PPARG: variants seen among roughly 807,000 people sequenced by gnomAD.
PPARG encodes the protein peroxisome proliferator-activated receptor gamma.
In PPARG, 17 loss-of-function variants were observed where a neutral mutation model predicts 39.2. The ratio of observed to expected loss-of-function variants is 0.43; its 90% CI spans 0.30 to 0.65. The LOEUF (loss-of-function observed/expected upper bound fraction) is 0.65, where lower values mean the gene tolerates loss of function less well. PPARG is among the 30% of genes least tolerant of loss of function. The pLI is 0.13. For synonymous variants in PPARG, 223 were observed against 215.7 expected (o/e 1.03, Z -0.30); for missense variants, 406 against 585.9 (o/e 0.69, Z 3.17).
At chr3:12,300,388 T>C (rs1346932934) in intron 1 of PPARG, among the ~76,000 whole-genome samples, 1 of 152,244 alleles carries the variant, frequency 6.6e-6, no homozygotes, top group African/African-American at 2.4e-5. Flanking sequence ...TTGCCATGGT[T>C]GTGTCTTTAA....
intron 2 of PPARG, among the ~76,000 whole-genome samples, chr3:12,318,975 G>A (rs2047466005): frequency 6.6e-6 from 1 of 152,034 alleles, no homozygotes; most frequent in Non-Finnish European, 1.5e-5. Context: ...CCACTAGACA[G>A]GACATAGGAA....
At chr3:12,378,782 T>C (rs959680995) in intron 2 of PPARG, among the ~76,000 whole-genome samples, 2 of 152,162 alleles carry the variant, frequency 1.3e-5, no homozygotes, top group African/African-American at 2.4e-5. Context: ...ATGGTGACTA[T>C]AGTTAGTGAT....
chr3:12,346,620 A>G (rs1193464364), intron 2 of PPARG, among the ~76,000 whole-genome samples: 1 of 151,612 alleles, frequency 6.6e-6, no homozygotes, highest in Admixed American at 6.6e-5. Flanking sequence ...TACCAAAGAT[A>G]CATTTACTGG....
intron 2 of PPARG, among the ~76,000 whole-genome samples, chr3:12,349,724 A>G (rs570096984): frequency 6.6e-6 from 1 of 152,350 alleles, no homozygotes; most frequent in Non-Finnish European, 1.5e-5. Flanking sequence ...CAAGTAAAAC[A>G]TAGTCTGGGG....
intron 5 of PPARG, among the ~76,000 whole-genome samples, chr3:12,401,232 A>G (rs2959273): frequency 0.68 from 103,557 of 152,094 alleles, 35,793 homozygotes; most frequent in African/African-American, 0.8. Context: ...GGTAGAACCT[A>G]AGGCTCAAGA....
intron 2 of PPARG, among the ~76,000 whole-genome samples, chr3:12,375,770 A>G (rs569626203): frequency 6.6e-6 from 1 of 152,244 alleles, no homozygotes; most frequent in East Asian, 1.9e-4. Context: ...ACCTTTAACT[A>G]TCACCAGTAC....
At chr3:12,390,352 T>A (rs2050024106) in intron 4 of PPARG, among the ~76,000 whole-genome samples, 1 of 152,132 alleles carries the variant, frequency 6.6e-6, no homozygotes, top group South Asian at 2.1e-4. Context: ...GAGAAACTCT[T>A]CTCATAATAG....
rs572419733 is a variant in PPARG, at chr3:12,312,954, A to G, written c.-9+501A>G. 1.9e-4 allele frequency among the ~76,000 whole-genome samples: 29 copies of G among 152,272 alleles called. No individual in the cohort carries two copies. The South Asian group carries it at 5.6e-3, about 29-fold the overall frequency. On this transcript the variant is annotated intron_variant, in intron 2 of 7. Coordinates refer to ENST00000651735, the MANE Select transcript of PPARG (RefSeq NM_138711.6). The stretch of plus-strand genomic sequence containing the variant: ...GCATTAAAACTACTTCCTTCCTGGA[A>G]CTGACTAGATGGGGGTAGGATTTCA...
intron 2 of PPARG, among the ~76,000 whole-genome samples, chr3:12,341,654 C>G (rs1456829312): frequency 6.6e-6 from 1 of 152,078 alleles, no homozygotes. Flanking sequence ...CAAAAACATA[C>G]AAAAGTTAGT....
chr3:12,391,039 G>C (rs2050059928), intron 4 of PPARG, among the ~76,000 whole-genome samples: 1 of 152,084 alleles, frequency 6.6e-6, no homozygotes, highest in Non-Finnish European at 1.5e-5. Context: ...TAACATCTCA[G>C]TCACAATTGG....
chr3:12,348,791 G>A (rs185364382), intron 2 of PPARG, among the ~76,000 whole-genome samples: 2 of 152,192 alleles, frequency 1.3e-5, no homozygotes, highest in Non-Finnish European at 1.5e-5. Flanking sequence ...CTGCATTGAC[G>A]TGCAAAGTGC....
chr3:12,406,399 G>A (rs1024894763), intron 6 of PPARG: 28 of 373,504 alleles, frequency 7.5e-5, no homozygotes, highest in South Asian at 5.6e-4. Context: ...CTCCTTTCTC[G>A]GCATCAAAAT....
At position 12,379,871 on chromosome 3, in the gene PPARG, A is replaced by G. The variant is rs375156001; in HGVS notation, c.160A>G (p.Thr54Ala). ...STPHYEDIPFTRTDPVVADYK... is the reference protein window; with the variant it reads ...STPHYEDIPFARTDPVVADYK... The stretch of plus-strand genomic sequence containing the variant: ...TCCACATTACGAAGACATTCCATTC[A>G]CAAGAACAGATCCAGTGGTTGCAGA... The change falls in exon 3 of 8, where the codon ACA becomes GCA. Residue 54 changes from threonine (T) to alanine (A), a missense_variant. This residue lies in a region of PPARG where 131 missense variants were observed against 127.9 expected (regional missense o/e 1.02). Coordinates refer to ENST00000651735, the MANE Select transcript of PPARG (RefSeq NM_138711.6). 6.2e-7 allele frequency: 1 copy of G among 1,613,776 alleles called. No homozygotes were observed. The highest frequency in any genetic ancestry group is 2.2e-5 in the East Asian group (1 of 44,874).
At chr3:12,316,788 T>C (rs1488418904) in intron 2 of PPARG, among the ~76,000 whole-genome samples, 1 of 151,988 alleles carries the variant, frequency 6.6e-6, no homozygotes, top group Non-Finnish European at 1.5e-5. Flanking sequence ...TTAAATGGCC[T>C]GTGTACCATA....
chr3:12,314,284 A>G (rs2125002677), intron 2 of PPARG, among the ~76,000 whole-genome samples: 1 of 85,238 alleles, frequency 1.2e-5, no homozygotes, highest in South Asian at 3.4e-4. Flanking sequence ...CAAAAAATTA[A>G]TTAATTAATT....
intron 4 of PPARG, among the ~76,000 whole-genome samples, chr3:12,389,116 T>G (rs2049979724): frequency 6.6e-6 from 1 of 152,214 alleles, no homozygotes; most frequent in African/African-American, 2.4e-5. Context: ...AAGAGTAAAG[T>G]GCAGAACTGT....
intron 2 of PPARG, among the ~76,000 whole-genome samples, chr3:12,325,134 A>T (rs1037359375): frequency 4.6e-5 from 7 of 151,990 alleles, no homozygotes; most frequent in African/African-American, 1.7e-4. Flanking sequence ...TAAAAATACA[A>T]AACATTGTCT....
At chr3:12,365,809 C>G (rs1327816470) in intron 2 of PPARG, among the ~76,000 whole-genome samples, 1 of 152,054 alleles carries the variant, frequency 6.6e-6, no homozygotes, top group Admixed American at 6.6e-5. Flanking sequence ...CTTTAACTTT[C>G]TAGTAAGGCT....
intron 1 of PPARG, among the ~76,000 whole-genome samples, chr3:12,306,970 C>T (rs2047085174): frequency 2.0e-5 from 3 of 151,908 alleles, no homozygotes; most frequent in East Asian, 3.9e-4. Context: ...TGGTGGTGGG[C>T]GCCTGTAGTC....
Sources: allele counts gnomAD v4.1 joint callset (sites outside exome capture counted in the v4.1 genomes callset), GRCh38; gene constraint gnomAD v4.1.1; regional missense constraint gnomAD v4.1.1; transcripts MANE v1.5; gene names NCBI Gene and HGNC (gene_info 2026-07-23, HGNC 2026-07-21).